RASGRF1: variants seen among roughly 807,000 people sequenced by gnomAD.
The protein encoded by RASGRF1 is ras-specific guanine nucleotide-releasing factor 1.
A neutral mutation model predicts 138.7 loss-of-function variants in RASGRF1; 40 were observed. The ratio of observed to expected loss-of-function variants is 0.29; its 90% CI spans 0.22 to 0.38. The LOEUF (loss-of-function observed/expected upper bound fraction) is 0.38. RASGRF1 is among the 10% of genes least tolerant of loss of function. The probability of loss-of-function intolerance (pLI) is 1.00; values close to 1 mark genes in which losing one functional copy is unlikely to be tolerated. For synonymous variants in RASGRF1, 614 were observed against 663.2 expected (o/e 0.93, Z 1.14); for missense variants, 1,108 against 1,650.4 (o/e 0.67, Z 5.69).
At chr15:79,026,719 C>T (rs1324895576) in intron 9 of RASGRF1, among the ~76,000 whole-genome samples, 2 of 152,146 alleles carry the variant, frequency 1.3e-5, no homozygotes, top group Non-Finnish European at 2.9e-5. Context: ...TACTGCCCAC[C>T]CCAGGAGGGG....
chr15:79,009,847 C>T (rs1750660700), intron 13 of RASGRF1, among the ~76,000 whole-genome samples: 2 of 151,920 alleles, frequency 1.3e-5, no homozygotes, highest in South Asian at 4.2e-4. Flanking sequence ...GCCTCAGCCT[C>T]CTGAGTAGCT....
In RASGRF1 at chr15:79,089,835, T is replaced by C. The variant is rs116175038; in HGVS notation, c.276+388A>G. Among the ~76,000 whole-genome samples, 279 of 152,296 alleles carry C rather than the reference T, an allele frequency of 1.8e-3. 2 individuals carry two copies. Among genetic ancestry groups the C allele is most frequent in the African/African-American group, 6.4e-3 (268 of 41,574 alleles). On this transcript the variant is annotated intron_variant, in intron 1 of 26. Transcript: ENST00000558480. Reference sequence around the variant, plus strand: ...CCGGTGTAGAACAGACGATCGGGGCTATTAGGGCTGGGCGGTGGGAGTGGG... The same window carrying C: ...CCGGTGTAGAACAGACGATCGGGGCCATTAGGGCTGGGCGGTGGGAGTGGG...
At chr15:79,035,735 T>G (rs1014820707) in intron 5 of RASGRF1, among the ~76,000 whole-genome samples, 1 of 152,176 alleles carries the variant, frequency 6.6e-6, no homozygotes, top group Non-Finnish European at 1.5e-5. Context: ...ATCTAAGGTC[T>G]CCCAGCCTCG....
chr15:79,020,218 C>A, intron 10 of RASGRF1, 114 bp from the exon 11 acceptor site: 1 of 937,298 alleles, frequency 1.1e-6, no homozygotes, highest in Non-Finnish European at 1.7e-6. Flanking sequence ...TGTATACACA[C>A]AGATGTATGG....
chr15:78,984,812 C>G (rs1790814078), intron 23 of RASGRF1, 195 bp downstream of exon 23: 1 of 631,996 alleles, frequency 1.6e-6, no homozygotes, highest in Non-Finnish European at 2.9e-6. Context: ...CAGTCCAGGT[C>G]TCACTGCCAT....
chr15:79,062,037 C>A (rs766161653), intron 2 of RASGRF1, among the ~76,000 whole-genome samples: 12 of 152,198 alleles, frequency 7.9e-5, no homozygotes, highest in Non-Finnish European at 5.9e-5. Context: ...AGATGAGTTA[C>A]GTTTGTTCCA....
intron 2 of RASGRF1, 86 bp downstream of exon 2, chr15:79,064,334 T>A: frequency 7.8e-7 from 1 of 1,285,500 alleles, no homozygotes. Flanking sequence ...TTCATGGGGC[T>A]TGGCTTTGTT....
chr15:79,045,351 T>C (rs1297382277), intron 5 of RASGRF1, among the ~76,000 whole-genome samples: 1 of 152,268 alleles, frequency 6.6e-6, no homozygotes, highest in Admixed American at 6.5e-5. Flanking sequence ...TCCAGGTCAC[T>C]GAATCTAAAC....
intron 1 of RASGRF1, among the ~76,000 whole-genome samples, chr15:79,075,605 C>T (rs1273989579): frequency 6.6e-6 from 1 of 152,242 alleles, no homozygotes; most frequent in East Asian, 1.9e-4. Flanking sequence ...ACAGCCTCTC[C>T]ACTGAACACA....
Position 78,979,090 on chromosome 15 carries a change from G to A in RASGRF1, c.3494+1530C>T, listed in dbSNP as rs559463880. On this transcript the variant is annotated intron_variant, in intron 24 of 26. Transcript: ENST00000558480. ...AGTGGTGCCCCGGGGGCGGACGGAC[G>A]GACAAGTTGGTGAATGCACGGAGGG... 8.7e-5 allele frequency: 112 copies of A among 1,290,004 alleles called. No homozygotes were observed. The African/African-American group carries it at 1.3e-3, about 15-fold the overall frequency. 79.9% of individuals were successfully genotyped at this position (1,290,004 alleles called of 1,614,324 possible). A position where few individuals can be genotyped will look rare whatever the true frequency, so the allele number is the denominator to read the frequency against.
At chr15:78,998,644 T>G (rs1595884749) in intron 18 of RASGRF1, 75 bp downstream of exon 18, 3 of 1,315,906 alleles carry the variant, frequency 2.3e-6, no homozygotes, top group East Asian at 2.3e-5. Context: ...CGCAGCTGCT[T>G]TTGGAAGGCA....
chr15:79,030,848 C>G (rs778951788), intron 8 of RASGRF1, among the ~76,000 whole-genome samples: 22 of 152,254 alleles, frequency 1.4e-4, no homozygotes, highest in Non-Finnish European at 2.8e-4. Context: ...GAGCCCCCTC[C>G]GTGCTCCCCT....
intron 2 of RASGRF1, among the ~76,000 whole-genome samples, chr15:79,059,825 T>C (rs1031870464): frequency 8.5e-5 from 13 of 152,252 alleles, no homozygotes; most frequent in Non-Finnish European, 1.8e-4. Flanking sequence ...CTACATGATA[T>C]TAATACACTC....
intron 1 of RASGRF1, among the ~76,000 whole-genome samples, chr15:79,079,227 A>G (rs2057880741): frequency 6.6e-6 from 1 of 152,078 alleles, no homozygotes; most frequent in African/African-American, 2.4e-5. Flanking sequence ...ACATCTTTCG[A>G]TCTGTGATGA....
Position 79,064,438 on chromosome 15 carries a change from G to A in RASGRF1, c.365C>T (p.Ala122Val). Residue 122 changes from alanine (A) to valine (V), a missense_variant, in exon 2 of 27, where the codon GCA becomes GTA. Transcript: ENST00000558480. ...EDAKDCDEWV[A>V]AIAHASYRTL... ...GACATACCTGGCATGTGCAATGGCT[G>A]CCACCCATTCGTCACAATCTTTTGC... 1 of 1,614,136 alleles carries A rather than the reference G, an allele frequency of 6.2e-7. No homozygotes were observed. The highest frequency in any genetic ancestry group is 8.5e-7 in the Non-Finnish European group (1 of 1,179,980).
At chr15:78,995,829 C>T (rs1469458895) in intron 19 of RASGRF1, 29 bp from the exon 20 acceptor site, 2 of 1,612,490 alleles carry the variant, frequency 1.2e-6, no homozygotes, top group Admixed American at 1.7e-5. Context: ...GCACGGTGAG[C>T]CCCACTTCAC....
At chr15:79,026,377 C>T (rs374466964) in intron 9 of RASGRF1, among the ~76,000 whole-genome samples, 5 of 152,214 alleles carry the variant, frequency 3.3e-5, no homozygotes, top group South Asian at 2.1e-4. Flanking sequence ...GGAAAGCCCT[C>T]GTGACTCTCT....
In RASGRF1 at chr15:78,998,853, G is replaced by C. The variant is rs764825366; in HGVS notation, c.2747-28C>G. On this transcript the variant is annotated intron_variant, in intron 17 of 26. Transcript: ENST00000558480. ...GGCAGCATGCGTGGCAGAGGGGAGA[G>C]AGGACAGGTGAGGACAAGAAACAGA... 3.5e-5 allele frequency: 54 copies of C among 1,528,836 alleles called. No homozygotes were observed. The Admixed American group carries it at 9.0e-4, about 26-fold the overall frequency. The allele number at this position is 1,528,836 out of a possible 1,614,324, so 94.7% of individuals were successfully genotyped here. A position where few individuals can be genotyped will look rare whatever the true frequency, so the allele number is the denominator to read the frequency against.
rs371146279 is a variant in RASGRF1 at position 79,025,097 on chromosome 15, A to G, written c.1542+217T>C. Reference sequence around the variant, plus strand: ...GGGGAATCTGAAGCCCTCGATTCTCACCTTCCCATCTCCCAGGATTTCCCT... The same window carrying G: ...GGGGAATCTGAAGCCCTCGATTCTCGCCTTCCCATCTCCCAGGATTTCCCT... On this transcript the variant is annotated intron_variant, in intron 10 of 26. Coordinates refer to ENST00000558480, the MANE Select transcript of RASGRF1 (RefSeq NM_001145648.3). 7.9e-5 allele frequency among the ~76,000 whole-genome samples: 12 copies of G among 152,006 alleles called. No homozygotes were observed. The East Asian group carries it at 2.3e-3, about 29-fold the overall frequency.
Sources: gnomAD v4.1 joint callset for allele counts (sites outside exome capture counted in the v4.1 genomes callset) on GRCh38, gnomAD v4.1.1 for gene constraint, MANE v1.5 for transcripts, NCBI Gene and HGNC (gene_info 2026-07-23, HGNC 2026-07-21) for gene names.